Variants in PTPRD observed in about 807,000 individuals in gnomAD.
PTPRD encodes receptor-type tyrosine-protein phosphatase delta.
Under a neutral mutation model 214.5 loss-of-function variants are expected in PTPRD, and 34 were observed. The ratio of observed to expected loss-of-function variants is 0.16; its 90% confidence interval spans 0.12 to 0.21. PTPRD has a LOEUF of 0.21. Ranked by LOEUF, PTPRD falls within the 10% of genes least tolerant of loss-of-function variation. The pLI, the probability that PTPRD is intolerant of heterozygous loss-of-function variation, is 1.00. For synonymous variants in PTPRD, 1,128 were observed against 845.7 expected, an observed-to-expected ratio of 1.33 and a Z score of -5.79; for missense variants, 2,545 against 2,398.7, an observed-to-expected ratio of 1.06 and a Z score of -1.27.
Position 8,663,283 on chromosome 9 carries a change from CT to C in PTPRD, c.65-26440del, listed in dbSNP as rs561882911. Among the ~76,000 whole-genome samples, 277 of 136,992 alleles carry C rather than the reference CT, an allele frequency of 2.0e-3. 1 individual carries two copies. Among genetic ancestry groups the C allele is most frequent in the South Asian group, 3.7e-3 (16 of 4,290 alleles). The allele number at this position is 136,992 out of a possible 152,430, so 89.9% of individuals were successfully genotyped here. On this transcript the variant is annotated intron_variant, in intron 12 of 45. Transcript: ENST00000381196. ...ACGAAACTAGTATTGAGATAATTGG[CT>C]TTTTTTTTTTTTAATTCTGGGTCCA...
rs965220716 is a variant in PTPRD, at chr9:10,473,027, A to G, written c.-599-132010T>C. Among the ~76,000 whole-genome samples the G allele has an allele frequency of 8.5e-5, 13 of 152,078 alleles. 1 individual carries two copies. Among genetic ancestry groups the G allele is most frequent in the East Asian group, 1.9e-4 (1 of 5,192 alleles). Reference sequence around the variant, plus strand: ...ATTAAACATTAAGCTTATTTAATACATTAAGATTATTTTAATGTATATGAC... The same window carrying G: ...ATTAAACATTAAGCTTATTTAATACGTTAAGATTATTTTAATGTATATGAC... On this transcript the variant is annotated intron_variant, in intron 2 of 45. Transcript: ENST00000381196.
rs138471528 is a variant in PTPRD at position 10,440,983 on chromosome 9, T to A, written c.-599-99966A>T. On this transcript the variant is annotated intron_variant, in intron 2 of 45. Transcript: ENST00000381196. ...TATTTTAATCAAAATCATTTTTTAC[T>A]CTTACTTCAAAGAAATAGCAAAAAT... is the stretch of plus-strand genomic sequence containing the variant. Among the ~76,000 whole-genome samples the A allele has an allele frequency of 2.0e-5, 3 of 151,924 alleles. No individual in the cohort carries two copies. The East Asian group carries it at 5.8e-4, about 29-fold the overall frequency.
At chr9:8,511,334 G>C (rs1161110588) in intron 21 of PTPRD, among the ~76,000 whole-genome samples, 1 of 152,082 alleles carries the variant, frequency 6.6e-6, no homozygotes, top group Non-Finnish European at 1.5e-5. Context: ...ACCACTCAAA[G>C]CACTGAGAGT....
intron 8 of PTPRD, among the ~76,000 whole-genome samples, chr9:9,532,451 G>A (rs531282375): frequency 7.9e-5 from 12 of 152,246 alleles, no homozygotes; most frequent in East Asian, 7.7e-4. Flanking sequence ...TGGACTTTCT[G>A]CAGGCTGGCT....
chr9:9,815,479 G>A (rs764087666), intron 5 of PTPRD, among the ~76,000 whole-genome samples: 7 of 151,948 alleles, frequency 4.6e-5, no homozygotes, highest in South Asian at 4.1e-4. Flanking sequence ...AGATGACACC[G>A]AAAGCAAAGT....
chr9:8,950,501 T>C (rs1056118755), intron 11 of PTPRD, among the ~76,000 whole-genome samples: 3 of 151,496 alleles, frequency 2.0e-5, no homozygotes, highest in Non-Finnish European at 4.4e-5. Flanking sequence ...ATGATGCAGT[T>C]TATCCAACAA....
intron 8 of PTPRD, among the ~76,000 whole-genome samples, chr9:9,503,994 C>A (rs1459860832): frequency 6.6e-6 from 1 of 151,672 alleles, no homozygotes; most frequent in African/African-American, 2.4e-5. Context: ...TTATGTAATC[C>A]TTCTCATTAT....
rs149434783 is a variant in PTPRD at position 9,711,102 on chromosome 9, C to A, written c.-287+23431G>T. On this transcript the variant is annotated intron_variant, in intron 7 of 45. Coordinates refer to ENST00000381196, the MANE Select transcript of PTPRD (RefSeq NM_002839.4). ...CTGGATAGGATCAGGCCATGCGAGA[C>A]CCTAAACTGTAATAAGCAGGTAAAT... Among the ~76,000 whole-genome samples, 601 of 152,178 alleles carry A rather than the reference C, an allele frequency of 3.9e-3. 2 individuals carry two copies. The highest frequency in any genetic ancestry group is 0.014 in the African/African-American group (562 of 41,494).
At chr9:10,113,639 T>A (rs291295) in intron 3 of PTPRD, among the ~76,000 whole-genome samples, 152,153 of 152,358 alleles carry the variant, frequency 1, 75,974 homozygotes, top group Middle Eastern at 1. Context: ...GCAAAGCGAC[T>A]GTTTACAAGT....
At chr9:9,307,658 G>A (rs1230054334) in intron 9 of PTPRD, among the ~76,000 whole-genome samples, 1 of 152,118 alleles carries the variant, frequency 6.6e-6, no homozygotes, top group East Asian at 1.9e-4. Context: ...CTATACTGGT[G>A]CCAAAGTGAT....
intron 11 of PTPRD, among the ~76,000 whole-genome samples, chr9:8,837,901 T>C (rs2097469575): frequency 6.6e-6 from 1 of 152,150 alleles, no homozygotes; most frequent in Admixed American, 6.5e-5. Context: ...TTTCCCAGTA[T>C]AATAAAAGTT....
At chr9:9,916,300 TACAC>T (rs1189112968) in intron 5 of PTPRD, among the ~76,000 whole-genome samples, 1 of 151,610 alleles carries the variant, frequency 6.6e-6, no homozygotes, top group African/African-American at 2.4e-5. Context: ...AATTCACTGA[TACAC>T]ACAGGAGAAA....
chr9:10,576,966 TA>T (rs1202488274), intron 2 of PTPRD, among the ~76,000 whole-genome samples: 1 of 49,632 alleles, frequency 2.0e-5, no homozygotes, highest in Non-Finnish European at 3.9e-5. Flanking sequence ...ATTTTATTTC[TA>T]CTTTTTTTTT....
intron 11 of PTPRD, among the ~76,000 whole-genome samples, chr9:8,934,465 A>ATATATATATAAATATATATATAAATT: frequency 1.3e-4 from 1 of 7,600 alleles, no homozygotes; most frequent in Admixed American, 2.3e-3. Flanking sequence ...ATATATATAA[A>ATATATATATAAATATATATATAAATT]TATATATATA....
intron 5 of PTPRD, among the ~76,000 whole-genome samples, chr9:9,840,445 A>G (rs1166594583): frequency 3.3e-5 from 5 of 152,174 alleles, no homozygotes; most frequent in Admixed American, 6.6e-5. Context: ...TTCAGAGGGT[A>G]TAAAACAAAG....
intron 5 of PTPRD, among the ~76,000 whole-genome samples, chr9:9,827,354 A>AT (rs1483483099): frequency 5.9e-5 from 9 of 152,144 alleles, no homozygotes; most frequent in African/African-American, 2.2e-4. Flanking sequence ...ATAATGCCGC[A>AT]TATCTACAGC....
At chr9:9,620,389 A>C (rs1177033081) in intron 7 of PTPRD, among the ~76,000 whole-genome samples, 1 of 152,170 alleles carries the variant, frequency 6.6e-6, no homozygotes, top group Non-Finnish European at 1.5e-5. Context: ...TCTGATAACC[A>C]TATTTATCCT....
intron 11 of PTPRD, among the ~76,000 whole-genome samples, chr9:9,005,509 T>G (rs1190516297): frequency 2.0e-5 from 3 of 152,156 alleles, no homozygotes; most frequent in African/African-American, 4.8e-5. Flanking sequence ...ATCTGCATCC[T>G]GAATGAACCA....
rs190817206 is a variant in PTPRD at position 8,971,151 on chromosome 9, G to A, written c.-104+47546C>T. On this transcript the variant is annotated intron_variant, in intron 11 of 45. Transcript: ENST00000381196. Reference sequence around the variant, plus strand: ...TTTGCAAATATATGTAATTTTCAACGAACATTTTAACCCAAGTAATTTATA... The same window carrying A: ...TTTGCAAATATATGTAATTTTCAACAAACATTTTAACCCAAGTAATTTATA... 1.1e-4 allele frequency among the ~76,000 whole-genome samples: 16 copies of A among 151,586 alleles called. No homozygotes were observed. The East Asian group carries it at 2.7e-3, about 26-fold the overall frequency.
Sources: gnomAD v4.1 joint callset for allele counts (sites outside exome capture counted in the v4.1 genomes callset) on GRCh38, gnomAD v4.1.1 for gene constraint, MANE v1.5 for transcripts, NCBI Gene and HGNC (gene_info 2026-07-23, HGNC 2026-07-21) for gene names.